Variants in SPAG9 observed in about 807,000 individuals in gnomAD.
SPAG9 encodes sperm associated antigen 9, also known as C-Jun-amino-terminal kinase-interacting protein 4.
SPAG9 carries 35 observed loss-of-function variants against 166.5 expected under a neutral mutation model. The observed-to-expected ratio is 0.21, with a 90% CI of 0.16 to 0.28. SPAG9 has a LOEUF of 0.28. SPAG9 is among the 10% of genes least tolerant of loss of function. The probability of loss-of-function intolerance (pLI) is 1.00; values close to 1 mark genes in which losing one functional copy is unlikely to be tolerated. For missense variants in SPAG9, 1,235 were observed against 1,603.3 expected, an observed-to-expected ratio of 0.77 and a Z score of 3.92; for synonymous variants, 534 against 565.5, an observed-to-expected ratio of 0.94 and a Z score of 0.79.
chr17:51,037,681 ATATAGT>A lies in SPAG9; in HGVS notation c.741+3814_741+3819del, dbSNP rs1355214526. On this transcript the variant is annotated intron_variant, in intron 5 of 29. Coordinates refer to ENST00000262013, the MANE Select transcript of SPAG9 (RefSeq NM_001130528.3). ...ATATGTGTTTTATATATATATATAT[ATATAGT>A]GTGTGTGTGTGTGTGTGTGTGTGTG... Among the ~76,000 whole-genome samples, 11 of 98,748 alleles carry A rather than the reference ATATAGT, an allele frequency of 1.1e-4. No homozygotes were observed. In the East Asian group the frequency reaches 1.5e-3, roughly 14 times the overall value. 64.8% of individuals were successfully genotyped at this position (98,748 alleles called of 152,430 possible).
At chr17:51,029,490 A>T (rs1290689875) in intron 6 of SPAG9, among the ~76,000 whole-genome samples, 2 of 152,200 alleles carry the variant, frequency 1.3e-5, no homozygotes, top group Admixed American at 6.5e-5. Context: ...TATTCGTAAC[A>T]GCCATAAGGT....
At chr17:51,012,381 C>T (rs1185311153) in intron 9 of SPAG9, among the ~76,000 whole-genome samples, 1 of 151,934 alleles carries the variant, frequency 6.6e-6, no homozygotes. Flanking sequence ...ACCAGCCTGG[C>T]CAGTATAGTA....
At position 50,998,478 on chromosome 17, in the gene SPAG9, C is replaced by A. The variant is rs1233133539; in HGVS notation, c.1804G>T (p.Asp602Tyr). Residue 602 changes from aspartate (D) to tyrosine (Y), a missense_variant, in exon 15 of 30, where the codon GAT becomes TAT. This residue lies in a region of SPAG9 where 493 missense variants were observed against 559.4 expected (regional missense o/e 0.88). Transcript: ENST00000262013. ...RSSTLSQLPG[D>Y]KSKAFDFLSE... ...AGGAAATCAAAGGCTTTGGACTTAT[C>A]CCCAGGGAGCTGAGATAAGGTGCTG... 1.9e-6 allele frequency: 3 copies of A among 1,614,034 alleles called. No individual in the cohort carries two copies. Among genetic ancestry groups the A allele is most frequent in the Admixed American group, 3.3e-5 (2 of 60,004 alleles).
intron 3 of SPAG9, among the ~76,000 whole-genome samples, chr17:51,053,855 G>GTATATATATA (rs1161592026): frequency 0.016 from 587 of 37,530 alleles, 16 homozygotes; most frequent in Non-Finnish European, 0.018. Flanking sequence ...AAAAAAAAAA[G>GTATATATATA]TATATATATA....
At position 51,120,379 on chromosome 17, in the gene SPAG9, T is replaced by C; in HGVS notation, c.278A>G (p.Lys93Arg). The change falls in exon 1 of 30, where the codon AAG becomes AGG. Residue 93 changes from lysine to arginine, a missense_variant. By Grantham distance (26) the Lys-to-Arg change is conservative. Transcript: ENST00000262013. The surrounding 1 kb of genome is among the most constrained non-coding windows in gnomAD (Gnocchi z 4.7). ...CTCCTCAGCGTGCTTGCGCAGCGCC[T>C]TCTCCCGCTCGTACTGGGTGATGAG... ...EQLITQYERE[K>R]ALRKHAEEKF... 1 of 1,604,158 alleles carries C rather than the reference T, an allele frequency of 6.2e-7. No homozygotes were observed. The highest frequency in any genetic ancestry group is 8.5e-7 in the Non-Finnish European group (1 of 1,176,044).
intron 27 of SPAG9, chr17:50,975,735 T>C: frequency 1.6e-6 from 1 of 626,292 alleles, no homozygotes; most frequent in Admixed American, 2.8e-5. Context: ...AGACACCTGC[T>C]GCGATGCAGT....
intron 5 of SPAG9, among the ~76,000 whole-genome samples, chr17:51,034,018 A>ATCTTGGT (rs2046485496): frequency 6.6e-6 from 1 of 152,238 alleles, no homozygotes; most frequent in Non-Finnish European, 1.5e-5. Flanking sequence ...TCAACATACA[A>ATCTTGGT]CACAATAGAA....
In SPAG9 at chr17:50,993,826, C is replaced by T. The variant is rs1265388959; in HGVS notation, c.2336G>A (p.Gly779Asp). 6.2e-7 allele frequency: 1 copy of T among 1,614,082 alleles called. No individual in the cohort carries two copies. The change falls in exon 19 of 30, where the codon GGC becomes GAC. Residue 779 changes from glycine to aspartate, a missense_variant. This residue lies in a region of SPAG9 where 493 missense variants were observed against 559.4 expected (regional missense o/e 0.88). Coordinates refer to ENST00000262013, the MANE Select transcript of SPAG9 (RefSeq NM_001130528.3). ...KVLIIDAVQPGNILDSFTVCN... is the reference protein window; with the variant it reads ...KVLIIDAVQPDNILDSFTVCN... ...AACAGTGAAACTGTCTAGGATGTTG[C>T]CAGGTTGAACAGCATCAATAATAAG...
intron 1 of SPAG9, among the ~76,000 whole-genome samples, chr17:51,085,037 G>A (rs1427191928): frequency 1.3e-5 from 2 of 151,940 alleles, no homozygotes; most frequent in Non-Finnish European, 2.9e-5. Flanking sequence ...TTTTAATAGA[G>A]ATGTGGTTTC....
chr17:51,100,323 G>T (rs61305881), intron 1 of SPAG9, among the ~76,000 whole-genome samples: 17,443 of 150,778 alleles, frequency 0.12, 1,223 homozygotes, highest in Non-Finnish European at 0.16. Context: ...TTAAAACTAG[G>T]GTCAGGCACA....
chr17:51,086,884 T>A (rs1257468878), intron 1 of SPAG9, among the ~76,000 whole-genome samples: 1 of 152,158 alleles, frequency 6.6e-6, no homozygotes, highest in Non-Finnish European at 1.5e-5. Context: ...ATGGTGCCAC[T>A]GCACTCCAGC....
intron 1 of SPAG9, among the ~76,000 whole-genome samples, chr17:51,086,428 C>T (rs1292984181): frequency 6.8e-6 from 1 of 148,106 alleles, no homozygotes; most frequent in African/African-American, 2.5e-5. Context: ...ACTGCCAGAG[C>T]TTAGGAATCT....
rs898701705 is a variant in SPAG9 at position 51,120,861 on chromosome 17, C to T, written c.-205G>A. 1 of 304,572 alleles carries T rather than the reference C, an allele frequency of 3.3e-6. No homozygotes were observed. The allele number at this position is 304,572 out of a possible 1,614,324, so 18.9% of individuals were successfully genotyped here. A position where few individuals can be genotyped will look rare whatever the true frequency, so the allele number is the denominator to read the frequency against. On this transcript the variant is annotated 5_prime_UTR_variant, in exon 1 of 30. Coordinates refer to ENST00000262013, the MANE Select transcript of SPAG9 (RefSeq NM_001130528.3). The surrounding 1 kb of genome is among the most constrained non-coding windows in gnomAD (Gnocchi z 4.7). ...GCTCTCACCCCAACCGCCGCTGCAC[C>T]AACTGCCGGGGCGGCCCGGCCGCGC...
intron 10 of SPAG9, among the ~76,000 whole-genome samples, chr17:51,006,597 G>A (rs182659361): frequency 3.9e-5 from 6 of 152,312 alleles, no homozygotes; most frequent in Non-Finnish European, 8.8e-5. Flanking sequence ...TGAGAAAACA[G>A]TTTAAACTGG....
rs761394884 is a variant in SPAG9 at position 50,966,349 on chromosome 17, G to T, written c.3889C>A (p.Leu1297Ile). The stretch of plus-strand genomic sequence containing the variant: ...TTGGTGACAGAAGGTTCAAGTGGAA[G>T]ATCCTCTCCAAGAAGTTCTGATTCT... The part of the protein sequence containing the change: ...GGESELLGED[L>I]PLEPSVTKAE... The change falls in exon 30 of 30, where the codon CTT becomes ATT. Residue 1297 changes from leucine to isoleucine, a missense_variant. Physicochemically the swap from Leu to Ile is conservative, Grantham distance 5. Coordinates refer to ENST00000262013, the MANE Select transcript of SPAG9 (RefSeq NM_001130528.3). 2 of 1,613,812 alleles carry T rather than the reference G, an allele frequency of 1.2e-6. No homozygotes were observed. The highest frequency in any genetic ancestry group is 1.7e-6 in the Non-Finnish European group (2 of 1,179,718).
chr17:51,077,169 G>A (rs191727722), intron 2 of SPAG9, among the ~76,000 whole-genome samples: 5 of 151,752 alleles, frequency 3.3e-5, no homozygotes, highest in African/African-American at 1.2e-4. Flanking sequence ...TTGTTGCCCA[G>A]GCCAAGTGTA....
At chr17:51,068,881 C>T (rs1315049918) in intron 2 of SPAG9, among the ~76,000 whole-genome samples, 2 of 151,876 alleles carry the variant, frequency 1.3e-5, no homozygotes, top group Admixed American at 6.6e-5. Context: ...ATGAAAGAGC[C>T]CAAATACAGA....
At chr17:51,031,599 T>G in intron 6 of SPAG9, 82 bp downstream of exon 6, 6 of 978,656 alleles carry the variant, frequency 6.1e-6, no homozygotes, top group Non-Finnish European at 9.6e-6. Context: ...TCTGATGTCT[T>G]GAGAATAGCA....
intron 21 of SPAG9, chr17:50,989,444 C>T (rs1975350286): frequency 1.8e-6 from 1 of 566,456 alleles, no homozygotes; most frequent in Non-Finnish European, 3.1e-6. Context: ...CATGATTATA[C>T]TTTTATAGAT....
Sources: allele counts gnomAD v4.1 joint callset (sites outside exome capture counted in the v4.1 genomes callset), GRCh38; gene constraint gnomAD v4.1.1; regional missense constraint gnomAD v4.1.1; non-coding constraint Gnocchi (gnomAD v3.1); transcripts MANE v1.5; gene names NCBI Gene and HGNC (gene_info 2026-07-23, HGNC 2026-07-21).